The following RBBP8NL variants were observed in gnomAD, a reference collection of about 807,000 sequenced individuals.
RBBP8NL encodes RBBP8 N-terminal like, also known as RBBP8 N-terminal-like protein.
In RBBP8NL, 59 loss-of-function variants were observed where a neutral mutation model predicts 62.2. The ratio of observed to expected loss-of-function variants is 0.95; its 90% CI spans 0.77 to 1.18. RBBP8NL has a LOEUF of 1.18. Among genes scored for constraint, RBBP8NL ranks in the 50% most tolerant of loss-of-function variants. The pLI is 0.00. For synonymous variants in RBBP8NL, 412 were observed against 394.1 expected, an observed-to-expected ratio of 1.05 and a Z score of -0.54; for missense variants, 896 against 899.5, an observed-to-expected ratio of 1.00 and a Z score of 0.05.
intron 9 of RBBP8NL, 34 bp from the exon 10 acceptor site, chr20:62,414,590 G>A (rs1988520471): frequency 2.1e-6 from 3 of 1,400,514 alleles, no homozygotes; most frequent in East Asian, 5.2e-5. Flanking sequence ...GACCATGGCT[G>A]TGTGGAGCCG....
At chr20:62,416,141 C>A in intron 6 of RBBP8NL, 23 bp downstream of exon 6, 2 of 1,603,218 alleles carry the variant, frequency 1.2e-6, no homozygotes, top group Non-Finnish European at 8.5e-7. Flanking sequence ...GGTGTCTGAG[C>A]CCTGGGACCC....
Position 62,413,416 on chromosome 20 carries a change from G to T in RBBP8NL, c.1660C>A (p.Leu554Met). 1 of 1,460,146 alleles carries T rather than the reference G, an allele frequency of 6.8e-7. No homozygotes were observed. Among genetic ancestry groups the T allele is most frequent in the South Asian group, 1.6e-5 (1 of 63,694 alleles). 90.4% of individuals were successfully genotyped at this position (1,460,146 alleles called of 1,614,324 possible). Residue 554 changes from leucine (L) to methionine (M), a missense_variant, in exon 11 of 14, where the codon CTG (leucine) becomes ATG (methionine). Coordinates refer to ENST00000252998, the MANE Select transcript of RBBP8NL (RefSeq NM_080833.3). ...QPPPHPQPPD[L>M]DGHPEPSKAE... is the part of the protein sequence containing the mutation. Reference sequence around the variant, plus strand: ...CTGACTGTACCTGGGTGGCCGTCCAGGTCAGGCGGCTGTGGGTGGGGAGGC... The same window carrying T: ...CTGACTGTACCTGGGTGGCCGTCCATGTCAGGCGGCTGTGGGTGGGGAGGC...
Position 62,414,154 on chromosome 20 carries a change from A to G in RBBP8NL, c.1197T>C (p.Asn399=). ...CGGCCAGAGCTGCCCTGGTCCCCTC[A>G]TTCTCAGGGCCCTCAGAGTCTGAGC... ...PVGSDSEGPE[N]EGTRAALAAA... The change falls in exon 10 of 14, where the codon AAT becomes AAC. Residue 399 remains asparagine, a synonymous_variant. Coordinates refer to ENST00000252998, the MANE Select transcript of RBBP8NL (RefSeq NM_080833.3). 1.2e-6 allele frequency: 2 copies of G among 1,607,518 alleles called. No individual in the cohort carries two copies. Among genetic ancestry groups the G allele is most frequent in the Non-Finnish European group, 1.7e-6 (2 of 1,178,550 alleles).
intron 5 of RBBP8NL, 58 bp from the exon 6 acceptor site, chr20:62,416,294 T>TGGGGGGGGGGG: frequency 5.8e-6 from 3 of 515,300 alleles, no homozygotes; most frequent in Non-Finnish European, 1.1e-5. Flanking sequence ...GGGGCAGGGG[T>TGGGGGGGGGGG]GGGGTCGTCA....
chr20:62,417,111 G>T lies in RBBP8NL; in HGVS notation c.200+113C>A, dbSNP rs183460444. The T allele has an allele frequency of 1.0e-4, 82 of 819,978 alleles. No homozygotes were observed. The East Asian group carries it at 2.1e-3, about 21-fold the overall frequency. 50.8% of individuals were successfully genotyped at this position (819,978 alleles called of 1,614,324 possible). On this transcript the variant is annotated intron_variant, in intron 4 of 13. Transcript: ENST00000252998. ...TGTCCTGCAGTGGGGAAACCTTCCTGGTTCAGTTTATCCTGGAGTTTCCCA... is the reference window on the plus strand; with the variant it reads ...TGTCCTGCAGTGGGGAAACCTTCCTTGTTCAGTTTATCCTGGAGTTTCCCA...
At chr20:62,415,378 T>C (rs953210181) in intron 8 of RBBP8NL, 91 bp from the exon 9 acceptor site, 1 of 1,436,904 alleles carries the variant, frequency 7.0e-7, no homozygotes, top group Admixed American at 2.1e-5. Flanking sequence ...CCTGGGCTGC[T>C]CCCACTCTGC....
intron 1 of RBBP8NL, among the ~76,000 whole-genome samples, chr20:62,423,750 A>G (rs1056531981): frequency 6.6e-6 from 1 of 152,158 alleles, no homozygotes; most frequent in African/African-American, 2.4e-5. Context: ...AACCACCTGC[A>G]GCACTCCTAG....
At position 62,418,402 on chromosome 20, in the gene RBBP8NL, G is replaced by A; in HGVS notation, c.104+21C>T. The A allele has an allele frequency of 3.2e-6, 5 of 1,549,776 alleles. No individual in the cohort carries two copies. The East Asian group carries it at 1.2e-4, about 38-fold the overall frequency. On this transcript the variant is annotated intron_variant, in intron 3 of 13. Coordinates refer to ENST00000252998, the MANE Select transcript of RBBP8NL (RefSeq NM_080833.3). Reference sequence around the variant, plus strand: ...GCCAGTGTGGTCCCTGTGAGGAGGGGCCCTGCTTGGCCTGACTCACCGGCA... The same window carrying A: ...GCCAGTGTGGTCCCTGTGAGGAGGGACCCTGCTTGGCCTGACTCACCGGCA...
chr20:62,416,293 G>GGGGT lies in RBBP8NL; in HGVS notation c.314-58_314-57insACCC. ...GGGGTTGGGGGGGACAGGGGCAGGG[G>GGGGT]TGGGGTCGTCACAGCACCAGGGAAG... On this transcript the variant is annotated intron_variant, in intron 5 of 13. Transcript: ENST00000252998. 1.4e-5 allele frequency: 10 copies of GGGGT among 701,046 alleles called. No individual in the cohort carries two copies. The Admixed American group carries it at 1.6e-4, about 11-fold the overall frequency. The allele number at this position is 701,046 out of a possible 1,614,324, so 43.4% of individuals were successfully genotyped here.
chr20:62,415,324 G>T, intron 8 of RBBP8NL, 37 bp from the exon 9 acceptor site: 1 of 1,541,506 alleles, frequency 6.5e-7, no homozygotes. Flanking sequence ...GCGGGGGCAT[G>T]CGTGGCCTCT....
chr20:62,416,342 G>A lies in RBBP8NL; in HGVS notation c.314-106C>T, dbSNP rs1021356825. The A allele has an allele frequency of 1.5e-5, 15 of 1,021,450 alleles. 1 individual carries two copies. Among genetic ancestry groups the A allele is most frequent in the Admixed American group, 4.0e-5 (2 of 49,720 alleles). 63.3% of individuals were successfully genotyped at this position (1,021,450 alleles called of 1,614,324 possible). A position where few individuals can be genotyped will look rare whatever the true frequency, so the allele number is the denominator to read the frequency against. ...AGCCCCTCAGCAGTGCCCCCAGCAC[G>A]TAGCCCAGGGCCTGGCAGGCAGCAG... On this transcript the variant is annotated intron_variant, in intron 5 of 13. Coordinates refer to ENST00000252998, the MANE Select transcript of RBBP8NL (RefSeq NM_080833.3).
rs1308493102 is a variant in RBBP8NL, at chr20:62,417,219, C to T, written c.200+5G>A. ...CCATGCTGCGAGGTGTCCTCCCAGG[C>T]CCACCTGTTCTCCAGCACCCGCAGG... On this transcript the variant is annotated splice_donor_5th_base_variant and intron_variant, in intron 4 of 13. Coordinates refer to ENST00000252998, the MANE Select transcript of RBBP8NL (RefSeq NM_080833.3). 2 of 1,592,374 alleles carry T rather than the reference C, an allele frequency of 1.3e-6. No individual in the cohort carries two copies. Among genetic ancestry groups the T allele is most frequent in the Admixed American group, 1.7e-5 (1 of 57,282 alleles).
chr20:62,413,279 C>G, intron 11 of RBBP8NL, 122 bp downstream of exon 11: 5 of 1,250,684 alleles, frequency 4.0e-6, no homozygotes, highest in Non-Finnish European at 5.3e-6. Context: ...GTTGCCCCGT[C>G]AGATCGGCAG....
In RBBP8NL at chr20:62,415,190, G is replaced by A. The variant is rs527948115; in HGVS notation, c.725C>T (p.Thr242Met). 5.8e-5 allele frequency: 89 copies of A among 1,535,054 alleles called. No individual in the cohort carries two copies. In the South Asian group the frequency reaches 8.9e-4, roughly 15 times the overall value. The change falls in exon 9 of 14, where the codon ACG becomes ATG. Residue 242 changes from threonine to methionine, a missense_variant. By Grantham distance (81) the Thr-to-Met change is moderately conservative. Transcript: ENST00000252998. ...CPADRGPANGTPPPLPARSSP... is the reference protein window; with the variant it reads ...CPADRGPANGMPPPLPARSSP... ...GCTCCTGGCGGGCAGTGGTGGGGGC[G>A]TCCCATTGGCGGGGCCTCGGTCGGC...
At chr20:62,423,504 C>A (rs560493327) in intron 1 of RBBP8NL, among the ~76,000 whole-genome samples, 1 of 152,168 alleles carries the variant, frequency 6.6e-6, no homozygotes, top group Non-Finnish European at 1.5e-5. Context: ...TCCTGAAACT[C>A]CCCCCAGACC....
intron 2 of RBBP8NL, among the ~76,000 whole-genome samples, chr20:62,419,179 C>T (rs531662311): frequency 3.0e-4 from 45 of 152,310 alleles, no homozygotes; most frequent in African/African-American, 1.0e-3. Context: ...GCTGTCTCTG[C>T]CCTGGTGAGC....
intron 3 of RBBP8NL, 115 bp from the exon 4 acceptor site, chr20:62,417,434 G>GCTGGATCCTGCTCAGTGCCCCCGACTGT (rs1988595060): frequency 7.8e-6 from 6 of 769,072 alleles, no homozygotes; most frequent in African/African-American, 3.5e-5. Flanking sequence ...TTGGTCTGGG[G>GCTGGATCCTGCTCAGTGCCCCCGACTGT]GCAACGCCTA....
At chr20:62,416,293 G>GGGGGGC in intron 5 of RBBP8NL, 57 bp from the exon 6 acceptor site, 1 of 701,044 alleles carries the variant, frequency 1.4e-6, no homozygotes, top group Non-Finnish European at 2.5e-6. Context: ...AGGGGCAGGG[G>GGGGGGC]TGGGGTCGTC....
intron 8 of RBBP8NL, 112 bp from the exon 9 acceptor site, chr20:62,415,399 T>C: frequency 7.1e-7 from 1 of 1,398,678 alleles, no homozygotes; most frequent in Non-Finnish European, 9.6e-7. Context: ...CCCTGCTCAC[T>C]GCTGAGCTGC....
Sources: gnomAD v4.1 joint callset for allele counts (sites outside exome capture counted in the v4.1 genomes callset) on GRCh38, gnomAD v4.1.1 for gene constraint, MANE v1.5 for transcripts, NCBI Gene and HGNC (gene_info 2026-07-23, HGNC 2026-07-21) for gene names.